NBAS: variants seen among roughly 807,000 people sequenced by gnomAD.
NBAS encodes NBAS subunit of NRZ tethering complex.
NBAS carries 219 observed loss-of-function variants against 302.5 expected under a neutral mutation model. The observed-to-expected ratio is 0.72, with a 90% CI of 0.65 to 0.81. NBAS has a LOEUF of 0.81. Ranked by LOEUF, NBAS falls within the 30% of genes least tolerant of loss-of-function variation. The probability of loss-of-function intolerance (pLI) is 0.00; values close to 1 mark genes in which losing one functional copy is unlikely to be tolerated. For missense variants in NBAS, 2,932 were observed against 2,841.6 expected (o/e 1.03, Z -0.72); for synonymous variants, 1,118 against 1,021.6 (o/e 1.09, Z -1.80).
At chr2:15,062,314 T>C in the NBAS span, among the ~76,000 whole-genome samples, 5 of 152,196 alleles carry the variant, frequency 3.3e-5, no homozygotes, top group Admixed American at 3.3e-4. Context: ...TCCTGTGTTA[T>C]CGCTAAACAG....
chr2:15,210,673 C>T (rs1238108837), intron 48 of NBAS, among the ~76,000 whole-genome samples: 2 of 152,120 alleles, frequency 1.3e-5, no homozygotes, highest in East Asian at 3.9e-4. Flanking sequence ...GCTGCACTCC[C>T]ATGTCTATTG....
At chr2:14,992,914 C>T in the NBAS span, among the ~76,000 whole-genome samples, 10 of 152,226 alleles carry the variant, frequency 6.6e-5, no homozygotes, top group African/African-American at 2.2e-4. Flanking sequence ...TCTAGACAAG[C>T]TTCAACCTGC....
At chr2:15,469,072 C>A (rs1679846266) in intron 16 of NBAS, among the ~76,000 whole-genome samples, 1 of 152,136 alleles carries the variant, frequency 6.6e-6, no homozygotes, top group African/African-American at 2.4e-5. Flanking sequence ...CCAACTATTT[C>A]CTCCAACTCC....
At chr2:15,310,293 G>A (rs1671217595) in intron 38 of NBAS, among the ~76,000 whole-genome samples, 1 of 152,140 alleles carries the variant, frequency 6.6e-6, no homozygotes, top group South Asian at 2.1e-4. Context: ...AAAACCTACT[G>A]TGTCTTCCCC....
the NBAS span, among the ~76,000 whole-genome samples, chr2:14,904,401 C>G: frequency 2.0e-5 from 3 of 152,152 alleles, no homozygotes; most frequent in South Asian, 6.2e-4. Context: ...AGTCCAAAGG[C>G]GGAAGAACCT....
the NBAS span, among the ~76,000 whole-genome samples, chr2:14,925,693 T>A: frequency 6.6e-6 from 1 of 152,310 alleles, no homozygotes; most frequent in Non-Finnish European, 1.5e-5. Flanking sequence ...ACGGAATGGT[T>A]TATCACTGCC....
chr2:15,136,551 T>C, the NBAS span, among the ~76,000 whole-genome samples: 132 of 152,336 alleles, frequency 8.7e-4, no homozygotes, highest in Middle Eastern at 0.014. Context: ...ACTGGTGTTT[T>C]GGTGTGAATG....
chr2:14,931,873 T>C, the NBAS span, among the ~76,000 whole-genome samples: 7 of 152,256 alleles, frequency 4.6e-5, no homozygotes, highest in Non-Finnish European at 1.0e-4. Context: ...ACTATCATTG[T>C]TTTCTTATGT....
At chr2:15,053,124 C>T in the NBAS span, among the ~76,000 whole-genome samples, 1 of 152,016 alleles carries the variant, frequency 6.6e-6, no homozygotes, top group Admixed American at 6.6e-5. Flanking sequence ...TACAGTAAGC[C>T]AGAAATTATG....
intron 47 of NBAS, among the ~76,000 whole-genome samples, chr2:15,222,698 C>T (rs1284506110): frequency 6.6e-6 from 1 of 152,072 alleles, no homozygotes; most frequent in Non-Finnish European, 1.5e-5. Context: ...AATAACTTGT[C>T]CAAGGTCACA....
At chr2:15,526,588 T>C (rs1445463015) in intron 9 of NBAS, among the ~76,000 whole-genome samples, 1 of 151,768 alleles carries the variant, frequency 6.6e-6, no homozygotes, top group Non-Finnish European at 1.5e-5. Context: ...TAATGGAAAA[T>C]ATAAACAACC....
intron 40 of NBAS, among the ~76,000 whole-genome samples, chr2:15,296,804 C>T (rs1670572470): frequency 6.6e-6 from 1 of 152,106 alleles, no homozygotes; most frequent in African/African-American, 2.4e-5. Context: ...CACCACTGTT[C>T]TCCAGCCTGT....
At chr2:15,113,107 G>T in the NBAS span, among the ~76,000 whole-genome samples, 2,064 of 152,212 alleles carry the variant, frequency 0.014, 47 homozygotes, top group African/African-American at 0.046. Context: ...TATTGGCATT[G>T]CTACTTTAAG....
the NBAS span, among the ~76,000 whole-genome samples, chr2:14,933,144 C>G: frequency 4.6e-5 from 7 of 152,314 alleles, no homozygotes; most frequent in African/African-American, 1.7e-4. Context: ...AAGTTACTTG[C>G]TTGATAAGAC....
intron 35 of NBAS, among the ~76,000 whole-genome samples, chr2:15,344,544 C>T (rs1673000582): frequency 6.6e-6 from 1 of 152,046 alleles, no homozygotes. Flanking sequence ...AAAAAAAGCC[C>T]AGGACCAGAT....
chr2:15,329,283 G>A (rs1238135236), intron 36 of NBAS, among the ~76,000 whole-genome samples: 1 of 152,120 alleles, frequency 6.6e-6, no homozygotes, highest in Non-Finnish European at 1.5e-5. Flanking sequence ...TCACTAAACG[G>A]CATCTTCATT....
the NBAS span, among the ~76,000 whole-genome samples, chr2:15,040,894 G>C: frequency 6.6e-6 from 1 of 152,178 alleles, no homozygotes; most frequent in Non-Finnish European, 1.5e-5. Flanking sequence ...CTGCCTTCCT[G>C]TGCGGTAAAA....
intron 32 of NBAS, among the ~76,000 whole-genome samples, chr2:15,361,658 T>C (rs553347661): frequency 6.6e-6 from 1 of 152,350 alleles, no homozygotes; most frequent in East Asian, 1.9e-4. Context: ...TTTCATATTT[T>C]AAAGAGCCTT....
At chr2:15,536,978 C>T (rs1293176794) in intron 7 of NBAS, among the ~76,000 whole-genome samples, 6 of 152,326 alleles carry the variant, frequency 3.9e-5, no homozygotes, top group South Asian at 4.1e-4. Context: ...GCCTAATCAG[C>T]AACCTAAAGG....
Sources: gnomAD v4.1 joint callset for allele counts (sites outside exome capture counted in the v4.1 genomes callset) on GRCh38, gnomAD v4.1.1 for gene constraint, MANE v1.5 for transcripts, NCBI Gene and HGNC (gene_info 2026-07-23, HGNC 2026-07-21) for gene names.